The following KIF1B variants were observed in gnomAD, a reference collection of about 807,000 sequenced individuals.
The protein encoded by KIF1B is kinesin family member 1B.
A neutral mutation model predicts 241.9 loss-of-function variants in KIF1B; 76 were observed. That is an observed-to-expected ratio of 0.31 (90% confidence interval 0.26 to 0.38). The LOEUF (loss-of-function observed/expected upper bound fraction) is 0.38. Among genes scored for constraint, KIF1B ranks in the 10% least tolerant of loss-of-function variants. The pLI is 1.00. For missense variants in KIF1B, 1,622 were observed against 2,271.4 expected (o/e 0.71, Z 5.81); for synonymous variants, 750 against 796.7 (o/e 0.94, Z 0.99).
At chr1:10,275,320 G>T in intron 10 of KIF1B, 108 bp from the exon 11 acceptor site, 1 of 717,266 alleles carries the variant, frequency 1.4e-6, no homozygotes, top group East Asian at 2.6e-5. Context: ...CACAGTGTCG[G>T]GGTTGTACTG....
At chr1:10,339,204 G>A (rs1414581120) in intron 31 of KIF1B, among the ~76,000 whole-genome samples, 2 of 152,070 alleles carry the variant, frequency 1.3e-5, no homozygotes, top group East Asian at 1.9e-4. Context: ...GTGGGAAAAC[G>A]CTTGCTGTCT....
At position 10,378,748 on chromosome 1, in the gene KIF1B, C is replaced by T; in HGVS notation, c.*2161C>T. 6.0e-6 allele frequency: 2 copies of T among 335,570 alleles called. No homozygotes were observed. The highest frequency in any genetic ancestry group is 1.1e-5 in the Non-Finnish European group (2 of 178,578). The allele number at this position is 335,570 out of a possible 1,614,324, so 20.8% of individuals were successfully genotyped here. ...GGCTCATCTCTGAAGAACAGGTCTCCCAGCTTCGCTCCTTATCACTGCATT... is the reference window on the plus strand; with the variant it reads ...GGCTCATCTCTGAAGAACAGGTCTCTCAGCTTCGCTCCTTATCACTGCATT... On this transcript the variant is annotated 3_prime_UTR_variant, in exon 49 of 49. Coordinates refer to ENST00000676179, the MANE Select transcript of KIF1B (RefSeq NM_001365951.3).
chr1:10,211,657 A>G (rs1372321512), intron 1 of KIF1B: 1 of 151,690 alleles, frequency 6.6e-6, no homozygotes, highest in East Asian at 1.9e-4. Flanking sequence ...ATGCAACACA[A>G]AACATTCCCG....
Position 10,267,367 on chromosome 1 carries a change from A to G in KIF1B, c.430-13A>G, listed in dbSNP as rs758600090. 2 of 1,612,682 alleles carry G rather than the reference A, an allele frequency of 1.2e-6. No homozygotes were observed. Among genetic ancestry groups the G allele is most frequent in the South Asian group, 1.1e-5 (1 of 91,042 alleles). ...CTTTTTCACTCTAATTCACTTTACT[A>G]ATTTGTTCATAGGTGAGCTACATGG... On this transcript the variant is annotated splice_polypyrimidine_tract_variant and intron_variant, in intron 5 of 48. Transcript: ENST00000676179.
intron 9 of KIF1B, 36 bp downstream of exon 9, chr1:10,272,342 C>T: frequency 7.9e-7 from 1 of 1,272,910 alleles, no homozygotes; most frequent in Non-Finnish European, 1.2e-6. Flanking sequence ...GGAGTTGTGT[C>T]TGTTCAGCAA....
chr1:10,373,779 C>A (rs2102361979), intron 45 of KIF1B, among the ~76,000 whole-genome samples: 1 of 152,308 alleles, frequency 6.6e-6, no homozygotes, highest in Middle Eastern at 3.4e-3. Flanking sequence ...CTGCCATTTT[C>A]TAAGGCAGTG....
intron 15 of KIF1B, among the ~76,000 whole-genome samples, chr1:10,287,545 A>G (rs191741616): frequency 2.0e-5 from 3 of 152,252 alleles, no homozygotes; most frequent in Admixed American, 2.0e-4. Context: ...AGTTTCCCCC[A>G]AAGTTTTTAA....
At chr1:10,368,304 C>T (rs1638631660) in intron 43 of KIF1B, among the ~76,000 whole-genome samples, 163 bp from the exon 44 acceptor site, 2 of 152,064 alleles carry the variant, frequency 1.3e-5, no homozygotes, top group African/African-American at 4.8e-5. Context: ...CAAAGGAGAC[C>T]AATGAACGGC....
chr1:10,272,821 A>G lies in KIF1B; in HGVS notation c.865-193A>G, dbSNP rs544380467. Among the ~76,000 whole-genome samples the G allele has an allele frequency of 1.3e-3, 200 of 151,784 alleles. 2 individuals are homozygous for G. Among genetic ancestry groups the G allele is most frequent in the African/African-American group, 4.6e-3 (192 of 41,370 alleles). ...TTAAATTAGGGGCTTTGTTGTCTAC[A>G]TTATTTAAATTAGTCATTGTGTGTT... On this transcript the variant is annotated intron_variant, in intron 9 of 48. Transcript: ENST00000676179.
In KIF1B at chr1:10,345,866, C is replaced by G. The variant is rs1248093173; in HGVS notation, c.3710C>G (p.Thr1237Arg). 2 of 1,613,942 alleles carry G rather than the reference C, an allele frequency of 1.2e-6. No homozygotes were observed. The highest frequency in any genetic ancestry group is 2.7e-5 in the African/African-American group (2 of 74,920). ...AAAGTTCCAGCCACCAAGTTAAACA[C>G]GATGAGCAAAACCAGCCTTGGCCAG... ...SKPVPATKLN[T>R]MSKTSLGQSM... The change falls in exon 35 of 49, where the codon ACG (threonine) becomes AGG (arginine). Residue 1237 changes from threonine to arginine, a missense_variant. Thr to Arg is a moderately conservative substitution (Grantham distance 71, BLOSUM62 -1). Around this residue, in one of 7 missense-constraint regions of KIF1B, gnomAD observed 803 missense variants for 1,112.0 expected, o/e 0.72. Transcript: ENST00000676179.
At chr1:10,332,852 C>A (rs1253965966) in intron 27 of KIF1B, among the ~76,000 whole-genome samples, 1 of 147,438 alleles carries the variant, frequency 6.8e-6, no homozygotes. Flanking sequence ...CACCCTGTCA[C>A]CCAGGCTAGA....
intron 9 of KIF1B, 106 bp downstream of exon 9, chr1:10,272,412 G>A (rs1434491560): frequency 1.3e-6 from 1 of 792,612 alleles, no homozygotes; most frequent in Non-Finnish European, 2.2e-6. Flanking sequence ...GCCCTTTTCT[G>A]TAATCTTGCC....
chr1:10,370,060 C>T (rs1638685142), intron 44 of KIF1B, among the ~76,000 whole-genome samples: 1 of 152,040 alleles, frequency 6.6e-6, no homozygotes, highest in Non-Finnish European at 1.5e-5. Flanking sequence ...TTGAGACCAG[C>T]CTGACCAACA....
chr1:10,217,128 C>T (rs951794249), intron 1 of KIF1B, among the ~76,000 whole-genome samples: 2 of 151,302 alleles, frequency 1.3e-5, no homozygotes, highest in African/African-American at 2.4e-5. Flanking sequence ...CGTGTGCCAC[C>T]ACGCCCAGCT....
At chr1:10,311,138 TC>T (rs1651047680) in intron 22 of KIF1B, among the ~76,000 whole-genome samples, 1 of 151,332 alleles carries the variant, frequency 6.6e-6, no homozygotes, top group Non-Finnish European at 1.5e-5. Context: ...CCTGGATTAT[TC>T]CTGCCAGCAT....
rs757143951 is a variant in KIF1B at position 10,378,148 on chromosome 1, C to G, written c.*1561C>G. On this transcript the variant is annotated 3_prime_UTR_variant, in exon 49 of 49. Transcript: ENST00000676179. ...TGTGGCAGGCTTTGCTTTCTGGATC[C>G]CAGGATTAAAACTAACCGTGACCAC... is the stretch of plus-strand genomic sequence containing the variant. 1.7e-5 allele frequency: 10 copies of G among 588,118 alleles called. No homozygotes were observed. The African/African-American group carries it at 1.9e-4, about 11-fold the overall frequency. The allele number at this position is 588,118 out of a possible 1,614,324, so 36.4% of individuals were successfully genotyped here.
intron 27 of KIF1B, among the ~76,000 whole-genome samples, chr1:10,332,641 G>T (rs1466373114): frequency 6.8e-6 from 1 of 146,542 alleles, no homozygotes; most frequent in Non-Finnish European, 1.5e-5. Context: ...TCAGCCTCCC[G>T]AGTAGCTGGG....
In KIF1B at chr1:10,315,906, T is replaced by A. The variant is rs1012027536; in HGVS notation, c.2116-4137T>A. Among the ~76,000 whole-genome samples the A allele has an allele frequency of 4.0e-4, 60 of 151,052 alleles. 6 individuals are homozygous for A. Among genetic ancestry groups the A allele is most frequent in the African/African-American group, 1.5e-3 (59 of 40,596 alleles). On this transcript the variant is annotated intron_variant, in intron 22 of 48. Coordinates refer to ENST00000676179, the MANE Select transcript of KIF1B (RefSeq NM_001365951.3). ...CCCCCTCTCTATTAAAAATACAAAA[T>A]TTAACTGGGCATGGTGGTACACACC...
At chr1:10,309,429 C>T (rs1569791466) in intron 22 of KIF1B, among the ~76,000 whole-genome samples, 1 of 151,902 alleles carries the variant, frequency 6.6e-6, no homozygotes, top group African/African-American at 2.4e-5. Context: ...ACTGTGGCCA[C>T]ACAGTGCTGC....
Sources: gnomAD v4.1 joint callset for allele counts (sites outside exome capture counted in the v4.1 genomes callset) on GRCh38, gnomAD v4.1.1 for gene constraint, gnomAD v4.1.1 regional missense constraint, MANE v1.5 for transcripts, NCBI Gene and HGNC (gene_info 2026-07-23, HGNC 2026-07-21) for gene names.